The following UBR4 variants were observed in gnomAD, a reference collection of about 807,000 sequenced individuals.
The protein encoded by UBR4 is ubiquitin protein ligase E3 component n-recognin 4, also known as E3 ubiquitin-protein ligase UBR4.
A neutral mutation model predicts 575.6 loss-of-function variants in UBR4; 124 were observed. That is an observed-to-expected ratio of 0.22 (90% CI 0.19 to 0.25). UBR4 has a LOEUF of 0.25. UBR4 is among the 10% of genes least tolerant of loss of function. The probability of loss-of-function intolerance (pLI) is 1.00; values close to 1 mark genes in which losing one functional copy is unlikely to be tolerated. For missense variants in UBR4, 4,818 were observed against 6,478.8 expected (o/e 0.74, Z 8.80); for synonymous variants, 2,455 against 2,473.7 (o/e 0.99, Z 0.22).
chr1:19,186,522 G>A lies in UBR4; in HGVS notation c.1750+18C>T, dbSNP rs765423275. 2 of 1,608,010 alleles carry A rather than the reference G, an allele frequency of 1.2e-6. No individual in the cohort carries two copies. Among genetic ancestry groups the A allele is most frequent in the Non-Finnish European group, 1.7e-6 (2 of 1,174,876 alleles). On this transcript the variant is annotated intron_variant, in intron 14 of 105. Transcript: ENST00000375254. ...CTCTATAGCTTATCTCTGGGAGAGAGAAAAGAGCGGCCTCTACCTTGGCTG... is the reference window on the plus strand; with the variant it reads ...CTCTATAGCTTATCTCTGGGAGAGAAAAAAGAGCGGCCTCTACCTTGGCTG...
rs368446913 is a variant in UBR4, at chr1:19,127,516, A to G, written c.9228+107T>C. The G allele has an allele frequency of 4.1e-5, 34 of 828,890 alleles. No individual in the cohort carries two copies. The East Asian group carries it at 7.8e-4, about 19-fold the overall frequency. The allele number at this position is 828,890 out of a possible 1,614,324, so 51.3% of individuals were successfully genotyped here. A position where few individuals can be genotyped will look rare whatever the true frequency, so the allele number is the denominator to read the frequency against. ...CTTAGAATCTTACTCCCCTCAGGGA[A>G]CAATGGCTTTATTCTTACAGAGGAC... On this transcript the variant is annotated intron_variant, in intron 63 of 105. Coordinates refer to ENST00000375254, the MANE Select transcript of UBR4 (RefSeq NM_020765.3).
chr1:19,157,806 A>G lies in UBR4; in HGVS notation c.5760+9T>C. The G allele has an allele frequency of 6.2e-7, 1 of 1,612,868 alleles. No homozygotes were observed. Among genetic ancestry groups the G allele is most frequent in the Non-Finnish European group, 8.5e-7 (1 of 1,179,182 alleles). On this transcript the variant is annotated intron_variant, in intron 40 of 105. Coordinates refer to ENST00000375254, the MANE Select transcript of UBR4 (RefSeq NM_020765.3). This position sits in a 1 kb window ranked among gnomAD's most constrained non-coding sequence, Gnocchi z 4.4. Reference sequence around the variant, plus strand: ...CCTAAAGTAAGCGCACAAGAATTGGAGGACCCACCTTGCCCTTCTCATGGC... The same window carrying G: ...CCTAAAGTAAGCGCACAAGAATTGGGGGACCCACCTTGCCCTTCTCATGGC...
At chr1:19,183,620 G>A (rs2091233242) in intron 17 of UBR4, among the ~76,000 whole-genome samples, 191 bp downstream of exon 17, 1 of 152,226 alleles carries the variant, frequency 6.6e-6, no homozygotes, top group South Asian at 2.1e-4. Context: ...TACTCTGGAG[G>A]CTGAGGCAGG....
intron 105 of UBR4, 190 bp from the exon 106 acceptor site, chr1:19,075,086 GTTC>G (rs1438483275): frequency 3.2e-6 from 2 of 627,550 alleles, no homozygotes; most frequent in African/African-American, 3.6e-5. Flanking sequence ...GAGGAGTCCT[GTTC>G]CAGAAGCAGG....
chr1:19,143,270 GAAAGAAAGAAAGAAAGAA>G (rs2084313817), intron 55 of UBR4, among the ~76,000 whole-genome samples: 4 of 65,190 alleles, frequency 6.1e-5, no homozygotes, highest in Admixed American at 3.4e-4. Flanking sequence ...AAGAAAGAAA[GAAAGAAAGAAAGAAAGAA>G]AGAAAGAAAG....
chr1:19,152,504 G>A lies in UBR4; in HGVS notation c.6833-28C>T. The A allele has an allele frequency of 6.2e-7, 1 of 1,612,610 alleles. No individual in the cohort carries two copies. On this transcript the variant is annotated intron_variant, in intron 46 of 105. Coordinates refer to ENST00000375254, the MANE Select transcript of UBR4 (RefSeq NM_020765.3). This position sits in a 1 kb window ranked among gnomAD's most constrained non-coding sequence, Gnocchi z 4.4. ...GCAGAGAACGGTACCAGATCGTCAA[G>A]AGTCTCTCCCACCTCTGCCCCAACA...
At chr1:19,169,397 C>A in intron 27 of UBR4, 38 bp downstream of exon 27, 1 of 1,562,416 alleles carries the variant, frequency 6.4e-7, no homozygotes, top group Non-Finnish European at 8.7e-7. Flanking sequence ...GAATGGCTAG[C>A]ACTCAGTATT....
intron 5 of UBR4, among the ~76,000 whole-genome samples, 200 bp from the exon 6 acceptor site, chr1:19,198,249 T>G (rs1165403251): frequency 6.6e-6 from 1 of 152,238 alleles, no homozygotes; most frequent in Non-Finnish European, 1.5e-5. Context: ...ATATATGTTC[T>G]ATAACCAAAA....
chr1:19,198,129 G>A (rs776225316), intron 5 of UBR4, 80 bp from the exon 6 acceptor site: 27 of 1,363,202 alleles, frequency 2.0e-5, no homozygotes, highest in Non-Finnish European at 2.6e-5. Context: ...GTAGCTGCAC[G>A]GATACTCTCC....
chr1:19,194,415 G>A (rs1195224889), intron 8 of UBR4, among the ~76,000 whole-genome samples: 1 of 152,156 alleles, frequency 6.6e-6, no homozygotes, highest in Non-Finnish European at 1.5e-5. Flanking sequence ...TTGCACCCAG[G>A]GGTTTGAGGC....
chr1:19,124,444 G>T, intron 65 of UBR4, 97 bp downstream of exon 65: 1 of 1,507,314 alleles, frequency 6.6e-7, no homozygotes, highest in South Asian at 1.3e-5. Context: ...TCTGCAAGGG[G>T]AAATACCAAG....
chr1:19,093,007 A>G lies in UBR4; in HGVS notation c.14112-89T>C. ...TTGACTCTGGCTTGTTTAAACCCCC[A>G]GGGCATGATTAACCGTGACCCTCTC... is the stretch of plus-strand genomic sequence containing the variant. On this transcript the variant is annotated intron_variant, in intron 96 of 105. Transcript: ENST00000375254. The surrounding 1 kb of genome is among the most constrained non-coding windows in gnomAD (Gnocchi z 4.8). 4 of 1,202,544 alleles carry G rather than the reference A, an allele frequency of 3.3e-6. No individual in the cohort carries two copies. The highest frequency in any genetic ancestry group is 4.8e-6 in the Non-Finnish European group (4 of 836,062). The allele number at this position is 1,202,544 out of a possible 1,614,324, so 74.5% of individuals were successfully genotyped here.
At chr1:19,113,072 T>C (rs1570629990) in intron 77 of UBR4, 10 of 562,724 alleles carry the variant, frequency 1.8e-5, no homozygotes, top group South Asian at 1.0e-4. Flanking sequence ...CCAAGATAAG[T>C]GGCAGAGTCA....
At chr1:19,147,543 T>C (rs1489509722) in intron 51 of UBR4, among the ~76,000 whole-genome samples, 5 of 152,192 alleles carry the variant, frequency 3.3e-5, no homozygotes, top group Non-Finnish European at 7.4e-5. Context: ...TTATAAGTGA[T>C]ACCCTCTTTC....
chr1:19,166,975 A>G (rs771950753), intron 29 of UBR4, 47 bp downstream of exon 29: 2 of 1,594,440 alleles, frequency 1.3e-6, no homozygotes, highest in Admixed American at 1.7e-5. Context: ...TTTCACTGAT[A>G]GCAGCAGTAG....
intron 81 of UBR4, among the ~76,000 whole-genome samples, 196 bp from the exon 82 acceptor site, chr1:19,107,162 C>T (rs1406567560): frequency 2.0e-5 from 3 of 152,198 alleles, no homozygotes; most frequent in Admixed American, 6.5e-5. Flanking sequence ...AGCATCTCCA[C>T]ATTGAGCTTA....
At chr1:19,084,462 G>A in intron 102 of UBR4, 42 bp downstream of exon 102, 1 of 1,558,250 alleles carries the variant, frequency 6.4e-7, no homozygotes, top group Non-Finnish European at 8.8e-7. Context: ...GGGATGCAGG[G>A]TGGGTCTGCG....
intron 60 of UBR4, among the ~76,000 whole-genome samples, chr1:19,135,775 T>C (rs2083135408): frequency 6.6e-6 from 1 of 151,894 alleles, no homozygotes; most frequent in Non-Finnish European, 1.5e-5. Context: ...TAACAGAAAA[T>C]AAGACAAAAA....
intron 1 of UBR4, among the ~76,000 whole-genome samples, chr1:19,203,221 T>C (rs2092834572): frequency 6.6e-6 from 1 of 152,026 alleles, no homozygotes; most frequent in African/African-American, 2.4e-5. Context: ...GTGGGACGCA[T>C]TGTAGCTGGT....
Sources: allele counts gnomAD v4.1 joint callset (sites outside exome capture counted in the v4.1 genomes callset), GRCh38; gene constraint gnomAD v4.1.1; non-coding constraint Gnocchi (gnomAD v3.1); transcripts MANE v1.5; gene names NCBI Gene and HGNC (gene_info 2026-07-23, HGNC 2026-07-21).